ERG: variants seen among roughly 807,000 people sequenced by gnomAD.
ERG encodes the protein ETS transcription factor ERG.
Under a neutral mutation model 55.3 loss-of-function variants are expected in ERG, and 9 were observed. The ratio of observed to expected loss-of-function variants is 0.16; its 90% CI spans 0.10 to 0.28. ERG has a LOEUF of 0.28. Among genes scored for constraint, ERG ranks in the 10% least tolerant of loss-of-function variants. The pLI, the probability that ERG is intolerant of heterozygous loss-of-function variation, is 1.00. For synonymous variants in ERG, 223 were observed against 237.3 expected, an observed-to-expected ratio of 0.94 and a Z score of 0.55; for missense variants, 434 against 631.6, an observed-to-expected ratio of 0.69 and a Z score of 3.35.
chr21:38,459,377 T>C (rs1420426452), intron 1 of ERG, among the ~76,000 whole-genome samples: 1 of 152,248 alleles, frequency 6.6e-6, no homozygotes, highest in Non-Finnish European at 1.5e-5. Flanking sequence ...TAAGATTTAT[T>C]ATGTAACAGT....
At chr21:38,461,026 CT>C (rs2059037412) in intron 1 of ERG, among the ~76,000 whole-genome samples, 1 of 152,154 alleles carries the variant, frequency 6.6e-6, no homozygotes, top group Non-Finnish European at 1.5e-5. Context: ...CAGCATGGGC[CT>C]TATTACTGCC....
chr21:38,547,487 A>T (rs1014818152), intron 2 of ERG, among the ~76,000 whole-genome samples: 3 of 152,198 alleles, frequency 2.0e-5, no homozygotes, highest in African/African-American at 7.2e-5. Flanking sequence ...TCTCTGGGAC[A>T]CCTGGGAGAG....
intron 1 of ERG, among the ~76,000 whole-genome samples, chr21:38,450,311 G>T (rs181111058): frequency 6.6e-6 from 1 of 152,234 alleles, no homozygotes; most frequent in East Asian, 1.9e-4. Flanking sequence ...CCGGGAAGCG[G>T]AGGTTGCAGT....
intron 1 of ERG, among the ~76,000 whole-genome samples, chr21:38,459,993 G>A (rs1293167019): frequency 6.6e-6 from 1 of 152,198 alleles, no homozygotes; most frequent in Non-Finnish European, 1.5e-5. Flanking sequence ...AGAAACAGAA[G>A]GCAGAACTAG....
intron 2 of ERG, among the ~76,000 whole-genome samples, chr21:38,560,804 G>T (rs1346614250): frequency 6.6e-6 from 1 of 152,182 alleles, no homozygotes; most frequent in Non-Finnish European, 1.5e-5. Flanking sequence ...TTCCCAAATT[G>T]TGGTCCTCAT....
At chr21:38,548,347 A>G (rs544538623) in intron 2 of ERG, among the ~76,000 whole-genome samples, 1 of 152,270 alleles carries the variant, frequency 6.6e-6, no homozygotes, top group East Asian at 1.9e-4. Flanking sequence ...TTAGTTCAAA[A>G]TTTAAAATTA....
At chr21:38,577,101 T>C (rs2059999171) in intron 1 of ERG, among the ~76,000 whole-genome samples, 1 of 152,200 alleles carries the variant, frequency 6.6e-6, no homozygotes, top group Non-Finnish European at 1.5e-5. Flanking sequence ...AAAATAAAAA[T>C]AAACAATATG....
At chr21:38,592,895 T>A (rs2060109444) in intron 1 of ERG, among the ~76,000 whole-genome samples, 2 of 152,312 alleles carry the variant, frequency 1.3e-5, no homozygotes, top group Admixed American at 1.3e-4. Flanking sequence ...CTTTGGAGGG[T>A]CAACCTTTCT....
chr21:38,374,158 C>G, the ERG span, among the ~76,000 whole-genome samples: 5 of 152,324 alleles, frequency 3.3e-5, no homozygotes, highest in Admixed American at 1.3e-4. Context: ...ATTTTTCGCT[C>G]TCTTGTGCTC....
At chr21:38,492,288 A>T (rs1430193122) in intron 1 of ERG, among the ~76,000 whole-genome samples, 1 of 152,234 alleles carries the variant, frequency 6.6e-6, no homozygotes, top group Non-Finnish European at 1.5e-5. Context: ...GGCACATAAC[A>T]AGCAGTTATT....
intron 1 of ERG, among the ~76,000 whole-genome samples, chr21:38,640,448 T>C (rs529315251): frequency 6.6e-6 from 1 of 152,268 alleles, no homozygotes; most frequent in African/African-American, 2.4e-5. Flanking sequence ...TCATCTTAAA[T>C]TGTAGCTCCC....
In ERG at chr21:38,415,216, G is replaced by A. The variant is rs1040053756; in HGVS notation, c.388+8194C>T. ...TGACATATTTGGCAACTCTCTTAGC[G>A]TTCCTAGTTTTAGTTTCTTTACTGT... is the stretch of plus-strand genomic sequence containing the variant. On this transcript the variant is annotated intron_variant, in intron 3 of 9. Transcript: ENST00000288319. Among the ~76,000 whole-genome samples, 6 of 152,288 alleles carry A rather than the reference G, an allele frequency of 3.9e-5. No homozygotes were observed. In the South Asian group the frequency reaches 6.2e-4, roughly 16 times the overall value.
intron 2 of ERG, among the ~76,000 whole-genome samples, chr21:38,439,163 G>A (rs913208335): frequency 2.0e-5 from 3 of 152,288 alleles, no homozygotes; most frequent in South Asian, 2.1e-4. Flanking sequence ...AATCGCCATC[G>A]CCTGTGGAAA....
At chr21:38,391,555 GCAAA>G (rs1047965236) in intron 8 of ERG, 100 bp downstream of exon 8, 16 of 978,874 alleles carry the variant, frequency 1.6e-5, no homozygotes, top group African/African-American at 9.8e-5. Flanking sequence ...TCGAAAAGAG[GCAAA>G]CAATCATGTT....
chr21:38,604,251 C>CAA (rs397972884), intron 1 of ERG, among the ~76,000 whole-genome samples: 11 of 94,166 alleles, frequency 1.2e-4, no homozygotes, highest in African/African-American at 2.5e-4. Context: ...GAGACTCCGT[C>CAA]AAAAAAAAAA....
intron 1 of ERG, among the ~76,000 whole-genome samples, chr21:38,576,628 C>T (rs573953486): frequency 1.6e-4 from 24 of 152,202 alleles, no homozygotes; most frequent in Non-Finnish European, 2.8e-4. Context: ...CCCCTTCCAC[C>T]GAGCCAGTCT....
intron 2 of ERG, among the ~76,000 whole-genome samples, chr21:38,560,202 A>C (rs1024467802): frequency 1.3e-5 from 2 of 152,260 alleles, no homozygotes; most frequent in East Asian, 3.8e-4. Context: ...AAGGAGGGTG[A>C]CAATGTCAAG....
At chr21:38,592,570 ACT>A (rs1491262572) in intron 1 of ERG, among the ~76,000 whole-genome samples, 1 of 62,834 alleles carries the variant, frequency 1.6e-5, no homozygotes, top group African/African-American at 6.8e-5. Flanking sequence ...ATCTCCCTTC[ACT>A]GTGTGTGTGT....
intron 3 of ERG, among the ~76,000 whole-genome samples, chr21:38,411,671 T>C (rs1989059827): frequency 6.6e-6 from 1 of 152,236 alleles, no homozygotes; most frequent in African/African-American, 2.4e-5. Context: ...ATGGTCAGTT[T>C]TTATAAATGT....
Sources: allele counts gnomAD v4.1 joint callset (sites outside exome capture counted in the v4.1 genomes callset), GRCh38; gene constraint gnomAD v4.1.1; transcripts MANE v1.5; gene names NCBI Gene and HGNC (gene_info 2026-07-23, HGNC 2026-07-21).